Variants in DOCK2 observed in about 807,000 individuals in gnomAD.
The protein encoded by DOCK2 is dedicator of cytokinesis 2.
A neutral mutation model predicts 248.9 loss-of-function variants in DOCK2; 87 were observed. The ratio of observed to expected loss-of-function variants is 0.35; its 90% CI spans 0.29 to 0.42. The LOEUF is 0.42. Ranked by LOEUF, DOCK2 falls within the 10% of genes least tolerant of loss-of-function variation. The probability of loss-of-function intolerance (pLI) is 1.00; values close to 1 mark genes in which losing one functional copy is unlikely to be tolerated. For synonymous variants in DOCK2, 805 were observed against 821.6 expected (o/e 0.98, Z 0.35); for missense variants, 1,747 against 2,300.2 (o/e 0.76, Z 4.92).
At chr5:169,811,172 C>T (rs1208904476) in intron 26 of DOCK2, among the ~76,000 whole-genome samples, 1 of 152,196 alleles carries the variant, frequency 6.6e-6, no homozygotes, top group Admixed American at 6.5e-5. Flanking sequence ...AGTCCTGCCC[C>T]TGACCTGCGT....
At chr5:170,001,287 T>C (rs2113802930) in intron 30 of DOCK2, among the ~76,000 whole-genome samples, 1 of 152,234 alleles carries the variant, frequency 6.6e-6, no homozygotes, top group East Asian at 1.9e-4. Context: ...TAAATAATGA[T>C]TCAAGGTCAC....
Position 170,078,675 on chromosome 5 carries a change from T to C in DOCK2, c.4995-300T>C, listed in dbSNP as rs572845331. 3.3e-5 allele frequency among the ~76,000 whole-genome samples: 5 copies of C among 152,354 alleles called. No homozygotes were observed. In the South Asian group the frequency reaches 1.0e-3, roughly 32 times the overall value. ...AGAACTGGCCGTGCCTGGATTTGAATCCACATTCATGCTTTCAACCAGTCT... is the reference window on the plus strand; with the variant it reads ...AGAACTGGCCGTGCCTGGATTTGAACCCACATTCATGCTTTCAACCAGTCT... On this transcript the variant is annotated intron_variant, in intron 48 of 51. Transcript: ENST00000520908.
intron 27 of DOCK2, among the ~76,000 whole-genome samples, chr5:169,957,741 T>A (rs1776925770): frequency 6.6e-6 from 1 of 152,200 alleles, no homozygotes; most frequent in South Asian, 2.1e-4. Context: ...CCTTTGATTG[T>A]CTCAGGTTCC....
intron 23 of DOCK2, among the ~76,000 whole-genome samples, chr5:169,750,543 T>C (rs957212303): frequency 2.6e-5 from 4 of 152,316 alleles, no homozygotes; most frequent in Non-Finnish European, 5.9e-5. Flanking sequence ...TGAACTAATA[T>C]GATTATTATG....
intron 26 of DOCK2, among the ~76,000 whole-genome samples, chr5:169,815,548 G>C (rs1298301434): frequency 6.6e-6 from 1 of 152,088 alleles, no homozygotes; most frequent in Non-Finnish European, 1.5e-5. Flanking sequence ...ATGTAATGGG[G>C]CACCAAAAAT....
intron 27 of DOCK2, among the ~76,000 whole-genome samples, chr5:169,901,765 T>C (rs1447296791): frequency 2.0e-5 from 3 of 152,240 alleles, no homozygotes; most frequent in African/African-American, 7.2e-5. Context: ...CCTAGAATGA[T>C]GGCTTCTAAT....
chr5:169,990,625 A>G (rs1778181451), intron 29 of DOCK2, among the ~76,000 whole-genome samples: 1 of 152,224 alleles, frequency 6.6e-6, no homozygotes, highest in African/African-American at 2.4e-5. Flanking sequence ...TAAAGGAGGC[A>G]CTGAAATGCT....
Position 170,082,924 on chromosome 5 carries a change from C to T in DOCK2, c.*66C>T, listed in dbSNP as rs552454005. On this transcript the variant is annotated 3_prime_UTR_variant, in exon 52 of 52. Coordinates refer to ENST00000520908, the MANE Select transcript of DOCK2 (RefSeq NM_004946.3). ...GAGTTTCTGGAAGAGGAAAGCCATG[C>T]GTGGAACATCGAAGCCTCAGAGAGT... 77 of 1,600,014 alleles carry T rather than the reference C, an allele frequency of 4.8e-5. No individual in the cohort carries two copies. The East Asian group carries it at 5.1e-4, about 11-fold the overall frequency.
rs370214502 is a variant in DOCK2 at position 170,020,227 on chromosome 5, G to A, written c.3381+1119G>A. On this transcript the variant is annotated intron_variant, in intron 33 of 51. Transcript: ENST00000520908. ...GGCATTGCCTCTGTGGGTGTCCTTC[G>A]GGCATTTTTTTTCTTTCTGCTACTT... Among the ~76,000 whole-genome samples, 10 of 152,134 alleles carry A rather than the reference G, an allele frequency of 6.6e-5. No homozygotes were observed. The East Asian group carries it at 7.8e-4, about 12-fold the overall frequency.
Position 169,962,196 on chromosome 5 carries a change from C to T in DOCK2, c.2800-20872C>T, listed in dbSNP as rs116615946. ...TGGTTGCTCCCTGGAGGGGAGGGAG[C>T]AAGATTGGAGGCAGAGGACAGTTAG... On this transcript the variant is annotated intron_variant, in intron 27 of 51. Transcript: ENST00000520908. 3.2e-3 allele frequency among the ~76,000 whole-genome samples: 491 copies of T among 151,814 alleles called. 4 individuals are homozygous for T. The highest frequency in any genetic ancestry group is 0.011 in the African/African-American group (475 of 41,354).
chr5:169,925,578 T>TAAAAAA lies in DOCK2; in HGVS notation c.2800-57490_2800-57489insAAAAAA, dbSNP rs1561828965. ...CTGGGCGACAGAGCAAGACTCTGTC[T>TAAAAAA]TAAAAAAAAAAAAAAAAAAAAAAAA... On this transcript the variant is annotated intron_variant, in intron 27 of 51. Coordinates refer to ENST00000520908, the MANE Select transcript of DOCK2 (RefSeq NM_004946.3). Among the ~76,000 whole-genome samples, 11 of 32,318 alleles carry TAAAAAA rather than the reference T, an allele frequency of 3.4e-4. 4 individuals are homozygous for TAAAAAA. Among genetic ancestry groups the TAAAAAA allele is most frequent in the African/African-American group, 8.9e-4 (7 of 7,830 alleles). The allele number at this position is 32,318 out of a possible 152,430, so 21.2% of individuals were successfully genotyped here. A position where few individuals can be genotyped will look rare whatever the true frequency, so the allele number is the denominator to read the frequency against.
intron 17 of DOCK2, 131 bp downstream of exon 17, chr5:169,712,354 T>C: frequency 1.5e-6 from 1 of 688,500 alleles, no homozygotes; most frequent in Non-Finnish European, 2.4e-6. Context: ...CTTTGTGGCC[T>C]CTTATAAACT....
chr5:169,694,204 T>G (rs1386628871), intron 9 of DOCK2, among the ~76,000 whole-genome samples: 1 of 152,232 alleles, frequency 6.6e-6, no homozygotes. Context: ...CTGGATCTGA[T>G]GTGAGCCGAC....
intron 29 of DOCK2, among the ~76,000 whole-genome samples, chr5:169,987,172 T>A (rs1293839798): frequency 6.6e-6 from 1 of 152,222 alleles, no homozygotes; most frequent in Non-Finnish European, 1.5e-5. Context: ...AAATGGGCTC[T>A]AGAAGTTGCA....
intron 7 of DOCK2, among the ~76,000 whole-genome samples, chr5:169,682,620 A>G (rs1759729460): frequency 6.6e-6 from 1 of 152,228 alleles, no homozygotes; most frequent in African/African-American, 2.4e-5. Flanking sequence ...AAATTATTTT[A>G]GCTACTCTGT....
intron 25 of DOCK2, among the ~76,000 whole-genome samples, 189 bp from the exon 26 acceptor site, chr5:169,802,869 G>A (rs1767085651): frequency 6.6e-6 from 1 of 152,166 alleles, no homozygotes; most frequent in Non-Finnish European, 1.5e-5. Flanking sequence ...GGTAGGAAGG[G>A]TTAGAAAAGG....
intron 26 of DOCK2, among the ~76,000 whole-genome samples, chr5:169,836,853 C>T (rs1029540028): frequency 6.6e-6 from 1 of 152,112 alleles, no homozygotes; most frequent in African/African-American, 2.4e-5. Flanking sequence ...AAAAAGGCCA[C>T]ATTTTTTATA....
chr5:169,676,223 C>T (rs918261325), intron 6 of DOCK2, among the ~76,000 whole-genome samples: 4 of 152,136 alleles, frequency 2.6e-5, no homozygotes, highest in Non-Finnish European at 4.4e-5. Context: ...TAGTAATTGC[C>T]TCCTTTTTGG....
rs150876593 is a variant in DOCK2, at chr5:169,638,106, A to T, written c.43+737A>T. ...GTCATCCGTGGTGCAATCTCCATGG[A>T]CTCACTGTGGTTTTTAAACTTAAAT... On this transcript the variant is annotated intron_variant, in intron 1 of 51. Coordinates refer to ENST00000520908, the MANE Select transcript of DOCK2 (RefSeq NM_004946.3). Among the ~76,000 whole-genome samples the T allele has an allele frequency of 1.3e-3, 192 of 152,188 alleles. 1 individual carries two copies. Among genetic ancestry groups the T allele is most frequent in the African/African-American group, 4.4e-3 (181 of 41,506 alleles).
Sources: gnomAD v4.1 joint callset for allele counts (sites outside exome capture counted in the v4.1 genomes callset) on GRCh38, gnomAD v4.1.1 for gene constraint, MANE v1.5 for transcripts, NCBI Gene and HGNC (gene_info 2026-07-23, HGNC 2026-07-21) for gene names.